RBFA: variants seen among roughly 807,000 people sequenced by gnomAD.
RBFA encodes the protein putative ribosome-binding factor A, mitochondrial.
A neutral mutation model predicts 27.9 loss-of-function variants in RBFA; 16 were observed. The ratio of observed to expected loss-of-function variants is 0.57; its 90% CI spans 0.39 to 0.87. The LOEUF (loss-of-function observed/expected upper bound fraction) is 0.87, where lower values mean the gene tolerates loss of function less well. RBFA is among the 40% of genes least tolerant of loss of function. The probability of loss-of-function intolerance (pLI) is 0.00; values close to 1 mark genes in which losing one functional copy is unlikely to be tolerated. For missense variants in RBFA, 456 were observed against 432.1 expected (o/e 1.06, Z -0.49); for synonymous variants, 181 against 181.0 (o/e 1.00, Z 0.00).
Position 80,034,673 on chromosome 18 carries a change from G to GTCCCTGGGCGCGGTA in RBFA, c.158+22_158+36dup. The stretch of plus-strand genomic sequence containing the variant: ...AACCAAGTAATGCGGCGGGGGCGGT[G>GTCCCTGGGCGCGGTA]TCCCTGGGCGCGGTATTCCCTAGGG... On this transcript the variant is annotated intron_variant, in intron 1 of 6. Transcript: ENST00000306735. 6.2e-7 allele frequency: 1 copy of GTCCCTGGGCGCGGTA among 1,606,440 alleles called. No homozygotes were observed. The highest frequency in any genetic ancestry group is 2.3e-5 in the East Asian group (1 of 43,886).
rs2052005242 is a variant in RBFA, at chr18:80,039,845, AGTTTTAATGTAGCAGAGTGTGACAG to A, written c.491+1232_491+1256del. ...AATTCAAAGTGTGAGCCAGATGGTG[AGTTTTAATGTAGCAGAGTGTGACAG>A]GTTGGTTGGGTGTGGTTTCAGATTC... On this transcript the variant is annotated intron_variant, in intron 4 of 6. Coordinates refer to ENST00000306735, the MANE Select transcript of RBFA (RefSeq NM_024805.3). Among the ~76,000 whole-genome samples the A allele has an allele frequency of 2.0e-5, 3 of 152,220 alleles. No homozygotes were observed. The South Asian group carries it at 6.2e-4, about 32-fold the overall frequency.
Position 80,046,105 on chromosome 18 carries a change from G to A in RBFA, c.982G>A (p.Gly328Arg), listed in dbSNP as rs138311529. Reference sequence around the variant, plus strand: ...CACAGAGGAGTTGGAGGCAGAGAGAGGAGGTGGCAGAACAGAGGATGGCCA... The same window carrying A: ...CACAGAGGAGTTGGAGGCAGAGAGAAGAGGTGGCAGAACAGAGGATGGCCA... ...PDTEELEAERGGGRTEDGHSC... is the reference protein window; with the variant it reads ...PDTEELEAERRGGRTEDGHSC... Residue 328 changes from glycine (G) to arginine (R), a missense_variant, in exon 7 of 7, where the codon GGA becomes AGA. Physicochemically the swap from Gly to Arg is moderately radical, Grantham distance 125. Transcript: ENST00000306735. 1 of 1,614,192 alleles carries A rather than the reference G, an allele frequency of 6.2e-7. No homozygotes were observed. Among genetic ancestry groups the A allele is most frequent in the Non-Finnish European group, 8.5e-7 (1 of 1,180,042 alleles).
At chr18:80,040,404 A>G (rs1285541699) in intron 4 of RBFA, among the ~76,000 whole-genome samples, 1 of 151,948 alleles carries the variant, frequency 6.6e-6, no homozygotes, top group Non-Finnish European at 1.5e-5. Flanking sequence ...GCATGCCACC[A>G]CACTTGGCTA....
rs1417261048 is a variant in RBFA at position 80,044,273 on chromosome 18, A to T, written c.638A>T (p.Gln213Leu). ...CGGGATGAAAGAGACAACTTTGTAC[A>T]AAATGATTTCAGGTGACGCATGTGG... is the stretch of plus-strand genomic sequence containing the variant. ...GPRDERDNFV[Q>L]NDFRDPDAPQ... The change falls in exon 6 of 7, where the codon CAA becomes CTA. Residue 213 changes from glutamine (Q) to leucine (L), a missense_variant. By Grantham distance (113) the Gln-to-Leu change is moderately radical. Transcript: ENST00000306735. 6.2e-7 allele frequency: 1 copy of T among 1,613,978 alleles called. No individual in the cohort carries two copies. Among genetic ancestry groups the T allele is most frequent in the Non-Finnish European group, 8.5e-7 (1 of 1,179,906 alleles).
chr18:80,039,070 C>G (rs1299961331), intron 4 of RBFA, among the ~76,000 whole-genome samples: 1 of 152,248 alleles, frequency 6.6e-6, no homozygotes, highest in Non-Finnish European at 1.5e-5. Flanking sequence ...ATCCCCGCAA[C>G]TCGGGATGCC....
chr18:80,037,876 G>A (rs549056977), intron 3 of RBFA, among the ~76,000 whole-genome samples: 135 of 128,108 alleles, frequency 1.1e-3, no homozygotes, highest in African/African-American at 3.3e-3. Flanking sequence ...GTGACAGAGC[G>A]AGACTCCATC....
intron 5 of RBFA, among the ~76,000 whole-genome samples, chr18:80,042,970 G>GCCCTCCCACGCCTGTCTCC (rs1277626520): frequency 3.2e-4 from 48 of 152,208 alleles, no homozygotes; most frequent in African/African-American, 1.1e-3. Context: ...GGCCAGAGTT[G>GCCCTCCCACGCCTGTCTCC]CCCTCCCACG....
rs1346391426 is a variant in RBFA, at chr18:80,050,036, A to G, written c.*3881A>G. Among the ~76,000 whole-genome samples, 2 of 152,236 alleles carry G rather than the reference A, an allele frequency of 1.3e-5. No homozygotes were observed. Among genetic ancestry groups the G allele is most frequent in the African/African-American group, 4.8e-5 (2 of 41,456 alleles). Reference sequence around the variant, plus strand: ...AAGGGCCTGAGACCCTCTCTTAGGAATAGAAGTACAGTTTTCTTCCCCACT... The same window carrying G: ...AAGGGCCTGAGACCCTCTCTTAGGAGTAGAAGTACAGTTTTCTTCCCCACT... On this transcript the variant is annotated 3_prime_UTR_variant, in exon 7 of 7. Transcript: ENST00000306735.
rs777509315 is a variant in RBFA, at chr18:80,034,529, C to A, written c.34C>A (p.Arg12Ser). 7 of 1,588,776 alleles carry A rather than the reference C, an allele frequency of 4.4e-6. No homozygotes were observed. The Admixed American group carries it at 9.1e-5, about 21-fold the overall frequency. The change falls in exon 1 of 7, where the codon CGC becomes AGC. Residue 12 changes from arginine (R) to serine (S), a missense_variant. Transcript: ENST00000306735. ...WAAAGGLWRS[R>S]AGLRALFRSR... ...TGCGGCGGGCGGGCTGTGGCGCTCC[C>A]GCGCGGGTCTCCGGGCCCTGTTCCG...
chr18:80,037,430 A>T lies in RBFA; in HGVS notation c.302A>T (p.Tyr101Phe), dbSNP rs118123838. Residue 101 changes from tyrosine to phenylalanine, a missense_variant, in exon 3 of 7, where the codon TAT (tyrosine) becomes TTT (phenylalanine). Physicochemically the swap from Tyr to Phe is conservative, Grantham distance 22. Coordinates refer to ENST00000306735, the MANE Select transcript of RBFA (RefSeq NM_024805.3). Reference protein sequence around the residue: ...ARLRALNGLLYKALTDLLCTP... With the variant: ...ARLRALNGLLFKALTDLLCTP... ...CTGAGGGCCCTGAACGGCCTCCTCT[A>T]TAAGGCACTGACAGACCTGCTGTGT... 4 of 1,614,178 alleles carry T rather than the reference A, an allele frequency of 2.5e-6. No individual in the cohort carries two copies. The highest frequency in any genetic ancestry group is 3.4e-6 in the Non-Finnish European group (4 of 1,180,024).
chr18:80,042,329 A>T lies in RBFA; in HGVS notation c.576+110A>T, dbSNP rs753722809. 14 of 566,142 alleles carry T rather than the reference A, an allele frequency of 2.5e-5. No individual in the cohort carries two copies. In the Admixed American group the frequency reaches 4.2e-4, roughly 17 times the overall value. The allele number at this position is 566,142 out of a possible 1,614,324, so 35.1% of individuals were successfully genotyped here. A position where few individuals can be genotyped will look rare whatever the true frequency, so the allele number is the denominator to read the frequency against. Reference sequence around the variant, plus strand: ...AGTCTTGAACTCCTGGCCTCAAGGGATCCTTCTGTCTCAGCCTCCCAAAGT... The same window carrying T: ...AGTCTTGAACTCCTGGCCTCAAGGGTTCCTTCTGTCTCAGCCTCCCAAAGT... On this transcript the variant is annotated intron_variant, in intron 5 of 6. Coordinates refer to ENST00000306735, the MANE Select transcript of RBFA (RefSeq NM_024805.3).
rs1475258951 is a variant in RBFA at position 80,034,528 on chromosome 18, C to T, written c.33C>T (p.Ser11=). MWAAAGGLWR[S]RAGLRALFRS... is the part of the protein sequence containing the mutation. ...CTGCGGCGGGCGGGCTGTGGCGCTC[C>T]CGCGCGGGTCTCCGGGCCCTGTTCC... is the stretch of plus-strand genomic sequence containing the variant. The change falls in exon 1 of 7, where the codon TCC becomes TCT. Residue 11 remains serine (S), a synonymous_variant. Transcript: ENST00000306735. 4 of 1,588,502 alleles carry T rather than the reference C, an allele frequency of 2.5e-6. No homozygotes were observed. Among genetic ancestry groups the T allele is most frequent in the Admixed American group, 1.8e-5 (1 of 55,076 alleles).
chr18:80,043,879 A>C (rs1007979686), intron 5 of RBFA, among the ~76,000 whole-genome samples: 1 of 152,236 alleles, frequency 6.6e-6, no homozygotes, highest in African/African-American at 2.4e-5. Flanking sequence ...GCATTTTGCA[A>C]AACTACCTTA....
At chr18:80,045,188 C>G (rs1413890185) in intron 6 of RBFA, among the ~76,000 whole-genome samples, 2 of 151,568 alleles carry the variant, frequency 1.3e-5, no homozygotes, top group African/African-American at 4.8e-5. Context: ...TTGAACTGGC[C>G]CGAGGCACTG....
chr18:80,048,919 G>C lies in RBFA; in HGVS notation c.*2764G>C, dbSNP rs1348869200. ...CTCCTAGAAAGTGGAGTGTGGGCAC[G>C]TTTGCAGGGGATCCAACCAGGCGTC... On this transcript the variant is annotated 3_prime_UTR_variant, in exon 7 of 7. Transcript: ENST00000306735. 7.1e-6 allele frequency among the ~76,000 whole-genome samples: 1 copy of C among 141,496 alleles called. No individual in the cohort carries two copies. The allele number at this position is 141,496 out of a possible 152,430, so 92.8% of individuals were successfully genotyped here.
At chr18:80,043,993 C>T (rs537847368) in intron 5 of RBFA, among the ~76,000 whole-genome samples, 16 of 152,170 alleles carry the variant, frequency 1.1e-4, no homozygotes, top group Non-Finnish European at 1.8e-4. Flanking sequence ...AGCCTCACTT[C>T]GTTATCAGAG....
At chr18:80,042,763 G>C (rs1322228835) in intron 5 of RBFA, among the ~76,000 whole-genome samples, 1 of 150,624 alleles carries the variant, frequency 6.6e-6, no homozygotes, top group Admixed American at 6.6e-5. Flanking sequence ...GAGAGACTCC[G>C]TGTCAAAAAA....
rs752343532 is a variant in RBFA, at chr18:80,045,819, A to G, written c.696A>G (p.Thr232=). 17 of 1,527,248 alleles carry G rather than the reference A, an allele frequency of 1.1e-5. No homozygotes were observed. The highest frequency in any genetic ancestry group is 1.4e-5 in the Non-Finnish European group (16 of 1,138,130). The allele number at this position is 1,527,248 out of a possible 1,614,324, so 94.6% of individuals were successfully genotyped here. A position where few individuals can be genotyped will look rare whatever the true frequency, so the allele number is the denominator to read the frequency against. The part of the protein sequence containing the change: ...PQPCGTTEPT[T]SSSLCGIDHE... Reference sequence around the variant, plus strand: ...CCTGCGGCACCACAGAGCCGACCACAAGCTCCAGTCTGTGTGGGATCGATC... The same window carrying G: ...CCTGCGGCACCACAGAGCCGACCACGAGCTCCAGTCTGTGTGGGATCGATC... Residue 232 remains threonine, a synonymous_variant, in exon 7 of 7, where the codon ACA becomes ACG. Coordinates refer to ENST00000306735, the MANE Select transcript of RBFA (RefSeq NM_024805.3).
In RBFA at chr18:80,046,722, C is replaced by T. The variant is rs2052057690; in HGVS notation, c.*567C>T. Among the ~76,000 whole-genome samples, 1 of 152,242 alleles carries T rather than the reference C, an allele frequency of 6.6e-6. No homozygotes were observed. The highest frequency in any genetic ancestry group is 2.4e-5 in the African/African-American group (1 of 41,464). On this transcript the variant is annotated 3_prime_UTR_variant, in exon 7 of 7. Transcript: ENST00000306735. The stretch of plus-strand genomic sequence containing the variant: ...GCAGGCTCCACCTTCTGGTTCAGGC[C>T]AAGGTTGGGCAGAAAGTGAGTTGGG...
Sources: allele counts gnomAD v4.1 joint callset (sites outside exome capture counted in the v4.1 genomes callset), GRCh38; gene constraint gnomAD v4.1.1; transcripts MANE v1.5; gene names NCBI Gene and HGNC (gene_info 2026-07-23, HGNC 2026-07-21).